Variants in L3MBTL1 observed in about 807,000 individuals in gnomAD.
The protein encoded by L3MBTL1 is L3MBTL histone methyl-lysine binding protein 1.
In L3MBTL1, 75 loss-of-function variants were observed where a neutral mutation model predicts 105.3. The observed-to-expected ratio is 0.71, with a 90% CI of 0.59 to 0.86. L3MBTL1 has a LOEUF of 0.86. Ranked by LOEUF, L3MBTL1 falls within the 40% of genes least tolerant of loss-of-function variation. The pLI is 0.00. For missense variants in L3MBTL1, 1,069 were observed against 1,126.4 expected (o/e 0.95, Z 0.73); for synonymous variants, 452 against 436.2 (o/e 1.04, Z -0.45).
exon 19 of L3MBTL1, chr20:43,549,049 C>G (rs561016094): frequency 6.6e-6 from 1 of 152,262 alleles, no homozygotes; most frequent in African/African-American, 2.4e-5. Flanking sequence ...CTGCTGTTTT[C>G]CATACACCCT....
Position 43,547,198 on chromosome 20 carries a change from G to T in L3MBTL1, c.2125-913G>T, listed in dbSNP as rs1021159969. 3.4e-5 allele frequency among the ~76,000 whole-genome samples: 5 copies of T among 148,608 alleles called. No homozygotes were observed. In the East Asian group the frequency reaches 1.0e-3, roughly 30 times the overall value. On this transcript the variant is annotated intron_variant, in intron 18 of 18. Coordinates refer to the L3MBTL1 transcript ENST00000422861. ...CGGCTCACTGCAAGCTCCGCCTCCC[G>T]GGTTCACGCCATTCTCCTGCCTCAG...
intron 7 of L3MBTL1, among the ~76,000 whole-genome samples, chr20:43,520,030 A>G (rs2018626288): frequency 6.6e-6 from 1 of 152,176 alleles, no homozygotes; most frequent in Non-Finnish European, 1.5e-5. Context: ...AACCATCACC[A>G]AAACATTTCC....
Position 43,540,108 on chromosome 20 carries a change from A to G in L3MBTL1, c.2174-43A>G, listed in dbSNP as rs1437380612. 5.0e-6 allele frequency: 8 copies of G among 1,604,374 alleles called. 1 individual carries two copies. The South Asian group carries it at 7.7e-5, about 15-fold the overall frequency. On this transcript the variant is annotated intron_variant, in intron 19 of 21. Transcript: ENST00000418998. ...TATGCATGGGCTTCGGGAACAGTTT[A>G]GTCATCCTCGTTGGCCTGCCAGCCT...
chr20:43,535,979 C>T (rs767847548), intron 17 of L3MBTL1, 43 bp downstream of exon 17: 9 of 1,590,468 alleles, frequency 5.7e-6, no homozygotes, highest in Non-Finnish European at 7.7e-6. Flanking sequence ...CGTTGTTTTG[C>T]ACTTACTGCA....
At chr20:43,547,088 T>C (rs572695442) in intron 18 of L3MBTL1, among the ~76,000 whole-genome samples, 53 of 151,456 alleles carry the variant, frequency 3.5e-4, no homozygotes, top group African/African-American at 1.2e-3. Flanking sequence ...ATCCTTTTTT[T>C]CCTTTTTTAA....
chr20:43,517,002 G>A (rs535994618), intron 7 of L3MBTL1, among the ~76,000 whole-genome samples: 3 of 152,064 alleles, frequency 2.0e-5, no homozygotes, highest in South Asian at 4.2e-4. Context: ...TTACTTTGTT[G>A]CTCAGGCTGG....
At chr20:43,533,257 G>A (rs2019433073) in intron 12 of L3MBTL1, 85 bp from the exon 13 acceptor site, 2 of 1,217,584 alleles carry the variant, frequency 1.6e-6, no homozygotes, top group Non-Finnish European at 2.3e-6. Context: ...GTAGATGAGG[G>A]TGGGCCCTGA....
At position 43,514,326 on chromosome 20, in the gene L3MBTL1, C is replaced by G. The variant is rs2018241294; in HGVS notation, c.360+265C>G. The G allele has an allele frequency of 1.1e-5, 12 of 1,072,410 alleles. No homozygotes were observed. In the South Asian group the frequency reaches 2.0e-4, roughly 18 times the overall value. 66.4% of individuals were successfully genotyped at this position (1,072,410 alleles called of 1,614,324 possible). On this transcript the variant is annotated intron_variant, in intron 3 of 21. Transcript: ENST00000418998. ...TGGGGGCGTGGCTTAGACTGGGGCA[C>G]CCTGAGTGGGCCTGTGTTAGTTTGG... is the stretch of plus-strand genomic sequence containing the variant.
chr20:43,529,374 C>T lies in L3MBTL1; in HGVS notation c.1056+6C>T, dbSNP rs1350350359. On this transcript the variant is annotated splice_donor_region_variant and intron_variant, in intron 9 of 21. Coordinates refer to ENST00000418998, the MANE Select transcript of L3MBTL1 (RefSeq NM_001377303.1). The stretch of plus-strand genomic sequence containing the variant: ...TCATCCTCACCGTGGCTGAGGTGAG[C>T]TGGGGCTTGGTACCACCTTTCTGAT... 6.3e-7 allele frequency: 1 copy of T among 1,594,244 alleles called. No homozygotes were observed.
intron 7 of L3MBTL1, among the ~76,000 whole-genome samples, chr20:43,523,992 CAAAAA>C (rs577732076): frequency 2.4e-5 from 2 of 83,088 alleles, no homozygotes; most frequent in Admixed American, 1.4e-4. Flanking sequence ...GACTCCATCT[CAAAAA>C]AAAAAAAAAA....
At chr20:43,536,586 T>C in intron 19 of L3MBTL1, 128 bp downstream of exon 19, 1 of 1,087,616 alleles carries the variant, frequency 9.2e-7, no homozygotes, top group Non-Finnish European at 1.4e-6. Flanking sequence ...GCCTCTTCGT[T>C]TGAGATACTG....
intron 1 of L3MBTL1, among the ~76,000 whole-genome samples, chr20:43,512,772 TTA>T (rs774723377): frequency 2.6e-5 from 4 of 152,226 alleles, no homozygotes; most frequent in Non-Finnish European, 2.9e-5. Flanking sequence ...GTCTTTTTCT[TTA>T]TGTCTTTACC....
rs1254804845 is a variant in L3MBTL1 at position 43,540,202 on chromosome 20, C to T, written c.2225C>T (p.Ala742Val). 1.2e-6 allele frequency: 2 copies of T among 1,613,416 alleles called. No homozygotes were observed. Among genetic ancestry groups the T allele is most frequent in the Non-Finnish European group, 1.7e-6 (2 of 1,180,024 alleles). Residue 742 changes from alanine (A) to valine (V), a missense_variant, in exon 20 of 22, where the codon GCC becomes GTC. Transcript: ENST00000418998. ...HQSLFMSALS[A>V]HPDRSLSVCW... is the part of the protein sequence containing the mutation. ...TCCCTCTTCATGTCAGCCCTGTCGG[C>T]CCACCCTGACCGCTCACTCTCAGTG... is the stretch of plus-strand genomic sequence containing the variant.
At position 43,514,007 on chromosome 20, in the gene L3MBTL1, G is replaced by C. The variant is rs1395896604; in HGVS notation, c.306G>C (p.Val102=). 2.6e-6 allele frequency: 4 copies of C among 1,541,730 alleles called. No homozygotes were observed. The highest frequency in any genetic ancestry group is 1.4e-5 in the African/African-American group (1 of 73,008). ...AGPASSSTST[V]RLLEWTEAAA... ...CGGCCAGCTCCAGCACCAGCACAGT[G>C]CGGCTTCTGGAATGGACAGAGGCCG... The change falls in exon 3 of 22, where the codon GTG becomes GTC. Residue 102 remains valine (V), a synonymous_variant. Coordinates refer to ENST00000418998, the MANE Select transcript of L3MBTL1 (RefSeq NM_001377303.1).
rs375515661 is a variant in L3MBTL1 at position 43,535,713 on chromosome 20, AG to A, written c.1826-121del. On this transcript the variant is annotated intron_variant, in intron 16 of 21. Transcript: ENST00000418998. ...CACAGAATGGTGTCACAGCCAACGC[AG>A]GGCCCTCATCCTTGGGGAGTGGGTT... 3.0e-4 allele frequency: 189 copies of A among 635,212 alleles called. 2 individuals carry two copies. In the East Asian group the frequency reaches 4.2e-3, roughly 14 times the overall value. 39.3% of individuals were successfully genotyped at this position (635,212 alleles called of 1,614,324 possible).
At chr20:43,530,969 C>T in intron 11 of L3MBTL1, 80 bp downstream of exon 11, 1 of 1,117,578 alleles carries the variant, frequency 8.9e-7, no homozygotes, top group Non-Finnish European at 1.3e-6. Flanking sequence ...TCTGACTCAT[C>T]AGAAGGGAGC....
intron 7 of L3MBTL1, among the ~76,000 whole-genome samples, chr20:43,523,992 CAAA>C (rs577732076): frequency 4.8e-5 from 4 of 83,086 alleles, no homozygotes; most frequent in Non-Finnish European, 1.0e-4. Flanking sequence ...GACTCCATCT[CAAA>C]AAAAAAAAAA....
intron 19 of L3MBTL1, chr20:43,539,674 CTG>C (rs2019806161): frequency 1.2e-5 from 3 of 255,718 alleles, no homozygotes; most frequent in Non-Finnish European, 1.5e-5. Flanking sequence ...GTCAGGGGGA[CTG>C]TGATTCTGAA....
At chr20:43,540,611 G>A (rs1600965187) in intron 20 of L3MBTL1, 142 bp from the exon 21 acceptor site, 2 of 820,004 alleles carry the variant, frequency 2.4e-6, no homozygotes, top group Non-Finnish European at 3.8e-6. Context: ...ACATCTGCCA[G>A]CATAGAAACC....
Sources: allele counts gnomAD v4.1 joint callset (sites outside exome capture counted in the v4.1 genomes callset), GRCh38; gene constraint gnomAD v4.1.1; transcripts MANE v1.5; gene names NCBI Gene and HGNC (gene_info 2026-07-23, HGNC 2026-07-21).